The following WDR59 variants were observed in gnomAD, a reference collection of about 807,000 sequenced individuals.
WDR59 encodes the protein GATOR2 complex protein WDR59.
In WDR59, 100 loss-of-function variants were observed where a neutral mutation model predicts 131.2. The ratio of observed to expected loss-of-function variants is 0.76; its 90% confidence interval spans 0.65 to 0.90. The LOEUF (loss-of-function observed/expected upper bound fraction) is 0.90, where lower values mean the gene tolerates loss of function less well. WDR59 is among the 40% of genes least tolerant of loss of function. The pLI is 0.00. For missense variants in WDR59, 1,203 were observed against 1,262.2 expected (o/e 0.95, Z 0.71); for synonymous variants, 601 against 466.2 (o/e 1.29, Z -3.72).
intron 1 of WDR59, among the ~76,000 whole-genome samples, chr16:74,970,759 A>C (rs1303951306): frequency 6.6e-6 from 1 of 152,078 alleles, no homozygotes; most frequent in Non-Finnish European, 1.5e-5. Flanking sequence ...TGTAGTATGA[A>C]AGATGGTTGC....
At chr16:74,942,556 G>A (rs1296657385) in intron 7 of WDR59, among the ~76,000 whole-genome samples, 182 bp downstream of exon 7, 2 of 152,080 alleles carry the variant, frequency 1.3e-5, no homozygotes, top group East Asian at 3.9e-4. Context: ...CACTTCCCTA[G>A]TTTCCTTCAA....
At chr16:74,923,734 G>A (rs548067884) in intron 9 of WDR59, among the ~76,000 whole-genome samples, 192 bp downstream of exon 9, 23 of 152,080 alleles carry the variant, frequency 1.5e-4, no homozygotes, top group African/African-American at 4.3e-4. Context: ...GAGCCACTGC[G>A]CCCGGCCAAG....
chr16:74,976,391 G>A (rs2034180892), intron 1 of WDR59, among the ~76,000 whole-genome samples: 1 of 151,306 alleles, frequency 6.6e-6, no homozygotes, highest in East Asian at 1.9e-4. Flanking sequence ...AGAAAATATT[G>A]AGGAATTTCT....
chr16:74,879,289 C>T (rs966269774), intron 25 of WDR59, among the ~76,000 whole-genome samples: 5 of 152,014 alleles, frequency 3.3e-5, no homozygotes, highest in East Asian at 1.9e-4. Flanking sequence ...CTCAGCAGGT[C>T]GAGGCTGCAG....
At chr16:74,899,748 G>C in intron 18 of WDR59, 1 of 1,289,148 alleles carries the variant, frequency 7.8e-7, no homozygotes, top group African/African-American at 1.5e-5. Context: ...GCAGAGCGAG[G>C]AGACATCTGT....
intron 8 of WDR59, among the ~76,000 whole-genome samples, chr16:74,929,693 G>GA (rs893102430): frequency 2.4e-4 from 36 of 151,788 alleles, no homozygotes; most frequent in African/African-American, 8.2e-4. Flanking sequence ...ACACCCCAAA[G>GA]AAAAAAAACC....
At chr16:74,895,805 T>G (rs1035985435) in intron 18 of WDR59, among the ~76,000 whole-genome samples, 1 of 152,186 alleles carries the variant, frequency 6.6e-6, no homozygotes, top group South Asian at 2.1e-4. Context: ...CCTGTCAGAA[T>G]GGGCTGGAGC....
At chr16:74,911,050 C>G (rs1239032930) in intron 14 of WDR59, among the ~76,000 whole-genome samples, 1 of 152,014 alleles carries the variant, frequency 6.6e-6, no homozygotes, top group Non-Finnish European at 1.5e-5. Flanking sequence ...TTTTAGTAGA[C>G]ATGGGGTTTC....
At chr16:74,895,353 C>G (rs1016488531) in intron 18 of WDR59, among the ~76,000 whole-genome samples, 1 of 152,136 alleles carries the variant, frequency 6.6e-6, no homozygotes, top group African/African-American at 2.4e-5. Context: ...ATCTCCGCCT[C>G]CGGGGTTCAA....
chr16:74,923,863 G>A (rs1004089556), intron 9 of WDR59, 63 bp downstream of exon 9: 5 of 1,413,904 alleles, frequency 3.5e-6, no homozygotes, highest in Non-Finnish European at 3.9e-6. Context: ...ATGTCCCCGG[G>A]CTCCTTCTTT....
chr16:74,877,091 T>A (rs963786804), intron 25 of WDR59, among the ~76,000 whole-genome samples: 1 of 152,040 alleles, frequency 6.6e-6, no homozygotes, highest in African/African-American at 2.4e-5. Context: ...AATTGATGTG[T>A]TCTATTAGTT....
intron 2 of WDR59, among the ~76,000 whole-genome samples, chr16:74,964,970 AG>A (rs1484408821): frequency 1.3e-5 from 2 of 152,130 alleles, no homozygotes; most frequent in Non-Finnish European, 2.9e-5. Flanking sequence ...AAGCTGAGGC[AG>A]GAGAATCACT....
chr16:74,963,876 G>C (rs753334999), intron 2 of WDR59, among the ~76,000 whole-genome samples: 9 of 151,770 alleles, frequency 5.9e-5, no homozygotes, highest in Non-Finnish European at 8.8e-5. Context: ...ACTCCAGCCT[G>C]GGTGACAGAG....
At chr16:74,880,404 G>A (rs976245000) in intron 25 of WDR59, among the ~76,000 whole-genome samples, 2 of 151,972 alleles carry the variant, frequency 1.3e-5, no homozygotes, top group Admixed American at 6.6e-5. Context: ...CCGAGATCGC[G>A]CCACTGCACT....
chr16:74,975,317 C>T (rs888929627), intron 1 of WDR59, among the ~76,000 whole-genome samples: 3 of 151,772 alleles, frequency 2.0e-5, no homozygotes, highest in Non-Finnish European at 4.4e-5. Context: ...GCCTATATCG[C>T]GCCACTGCAC....
intron 1 of WDR59, among the ~76,000 whole-genome samples, chr16:74,976,499 A>G (rs1427092443): frequency 6.6e-6 from 1 of 150,828 alleles, no homozygotes; most frequent in African/African-American, 2.4e-5. Flanking sequence ...CTGGAGTCCA[A>G]GGGCGCAATC....
chr16:74,906,893 T>C lies in WDR59; in HGVS notation c.1712+2015A>G, dbSNP rs533045335. 2.0e-4 allele frequency among the ~76,000 whole-genome samples: 31 copies of C among 152,324 alleles called. No individual in the cohort carries two copies. In the South Asian group the frequency reaches 6.0e-3, roughly 30 times the overall value. Reference sequence around the variant, plus strand: ...GTGGGTGAGGACAGTGTTCTATATCTTGATATGAGTGTTGGTCACCAAGCC... The same window carrying C: ...GTGGGTGAGGACAGTGTTCTATATCCTGATATGAGTGTTGGTCACCAAGCC... On this transcript the variant is annotated intron_variant, in intron 17 of 25. Coordinates refer to ENST00000262144, the MANE Select transcript of WDR59 (RefSeq NM_030581.4).
At chr16:74,965,647 G>A (rs1158090019) in intron 2 of WDR59, 126 bp downstream of exon 2, 5 of 1,139,724 alleles carry the variant, frequency 4.4e-6, no homozygotes, top group Non-Finnish European at 6.5e-6. Flanking sequence ...GAGGCAAACA[G>A]GATATCAGAA....
chr16:74,949,221 C>T (rs935426365), intron 5 of WDR59, among the ~76,000 whole-genome samples: 1 of 150,032 alleles, frequency 6.7e-6, no homozygotes, highest in Non-Finnish European at 1.5e-5. Flanking sequence ...GTCCCAGCTA[C>T]TCAAGAGGCT....
Sources: allele counts gnomAD v4.1 joint callset (sites outside exome capture counted in the v4.1 genomes callset), GRCh38; gene constraint gnomAD v4.1.1; transcripts MANE v1.5; gene names NCBI Gene and HGNC (gene_info 2026-07-23, HGNC 2026-07-21).